The following INO80D variants were observed in gnomAD, a reference collection of about 807,000 sequenced individuals.
The protein encoded by INO80D is INO80 complex subunit D.
In INO80D, 21 loss-of-function variants were observed where a neutral mutation model predicts 87.6. That is an observed-to-expected ratio of 0.24 (90% confidence interval 0.17 to 0.35). The LOEUF (loss-of-function observed/expected upper bound fraction) is 0.35. Ranked by LOEUF, INO80D falls within the 10% of genes least tolerant of loss-of-function variation. INO80D has a pLI of 1.00. For missense variants in INO80D, 982 were observed against 1,280.7 expected, an observed-to-expected ratio of 0.77 and a Z score of 3.56; for synonymous variants, 440 against 491.0, an observed-to-expected ratio of 0.90 and a Z score of 1.37.
chr2:206,015,622 C>G lies in INO80D; in HGVS notation c.1542+2058G>C, dbSNP rs111678951. Among the ~76,000 whole-genome samples the G allele has an allele frequency of 7.9e-3, 1,206 of 152,264 alleles. 13 individuals carry two copies. Among genetic ancestry groups the G allele is most frequent in the African/African-American group, 0.027 (1,125 of 41,560 alleles). ...CAGTCTGTCTGGGCATGGTGGCTCACGCCTGTAATCTCAGCACTATGGGAG... is the reference window on the plus strand; with the variant it reads ...CAGTCTGTCTGGGCATGGTGGCTCAGGCCTGTAATCTCAGCACTATGGGAG... On this transcript the variant is annotated intron_variant, in intron 8 of 10. Transcript: ENST00000403263.
At chr2:206,010,583 T>C (rs551727831) in intron 8 of INO80D, among the ~76,000 whole-genome samples, 1 of 152,340 alleles carries the variant, frequency 6.6e-6, no homozygotes, top group Admixed American at 6.5e-5. Flanking sequence ...CTAATAACTC[T>C]TGTAGCTAAA....
At chr2:206,075,686 C>T (rs2105906826) in intron 1 of INO80D, among the ~76,000 whole-genome samples, 1 of 151,786 alleles carries the variant, frequency 6.6e-6, no homozygotes, top group South Asian at 2.1e-4. Flanking sequence ...GATCCGCCCA[C>T]CTCGGCCTCC....
rs538822504 is a variant in INO80D, at chr2:206,004,389, A to C, written c.3063T>G (p.Ser1021=). 6.3e-7 allele frequency: 1 copy of C among 1,597,122 alleles called. No homozygotes were observed. Among genetic ancestry groups the C allele is most frequent in the Admixed American group, 1.8e-5 (1 of 57,050 alleles). The change falls in exon 11 of 11, where the codon TCT becomes TCG. Residue 1021 remains serine, a synonymous_variant. Coordinates refer to ENST00000403263, the MANE Select transcript of INO80D (RefSeq NM_017759.5). The surrounding 1 kb of genome is among the most constrained non-coding windows in gnomAD (Gnocchi z 4.9). The stretch of plus-strand genomic sequence containing the variant: ...ACCCTCAGTTAGGGGAGGGAAAGGG[A>C]GAAGATGCATTATTGGTACTTGTAG... ...ATATSTNNAS[S]PFPSPN
rs546649690 is a variant in INO80D at position 206,004,367 on chromosome 2, C to T, written c.*1G>A. On this transcript the variant is annotated 3_prime_UTR_variant, in exon 11 of 11. Coordinates refer to ENST00000403263, the MANE Select transcript of INO80D (RefSeq NM_017759.5). This position sits in a 1 kb window ranked among gnomAD's most constrained non-coding sequence, Gnocchi z 4.9. ...ACCTGCCTGCAAACACACAGACACC[C>T]TCAGTTAGGGGAGGGAAAGGGAGAA... 6.3e-7 allele frequency: 1 copy of T among 1,585,210 alleles called. No homozygotes were observed. The highest frequency in any genetic ancestry group is 1.8e-5 in the Admixed American group (1 of 55,044).
chr2:205,995,757 A>G lies in INO80D; in HGVS notation c.*8611T>C, dbSNP rs941160412. 2.0e-5 allele frequency: 3 copies of G among 152,138 alleles called. No homozygotes were observed. Among genetic ancestry groups the G allele is most frequent in the African/African-American group, 7.2e-5 (3 of 41,450 alleles). The allele number at this position is 152,138 out of a possible 1,614,324, so 9.4% of individuals were successfully genotyped here. On this transcript the variant is annotated 3_prime_UTR_variant, in exon 11 of 11. Transcript: ENST00000403263. The stretch of plus-strand genomic sequence containing the variant: ...ATATAGGGATGCAAGTTTTCTAGAG[A>G]GCTGCAGCAAAGTTAATACAGAATG...
chr2:206,040,994 T>A, intron 5 of INO80D: 1 of 153,750 alleles, frequency 6.5e-6, no homozygotes, highest in East Asian at 1.9e-4. Flanking sequence ...GACACTGTTA[T>A]ACGTTCTTAT....
chr2:206,076,286 T>C (rs1267862311), intron 1 of INO80D, among the ~76,000 whole-genome samples: 1 of 152,258 alleles, frequency 6.6e-6, no homozygotes, highest in Non-Finnish European at 1.5e-5. Flanking sequence ...GAATATTTAC[T>C]TATCCCAGAA....
At chr2:206,028,707 A>G (rs1438125151) in intron 5 of INO80D, among the ~76,000 whole-genome samples, 1 of 152,172 alleles carries the variant, frequency 6.6e-6, no homozygotes, top group African/African-American at 2.4e-5. Context: ...GAGGAAACAC[A>G]TAGCATAATT....
At chr2:206,029,809 C>G (rs1688712659) in intron 5 of INO80D, among the ~76,000 whole-genome samples, 1 of 152,110 alleles carries the variant, frequency 6.6e-6, no homozygotes, top group African/African-American at 2.4e-5. Flanking sequence ...AAAGAGTTTG[C>G]AATGCAATTT....
intron 1 of INO80D, among the ~76,000 whole-genome samples, chr2:206,065,930 C>T (rs892467366): frequency 3.3e-5 from 5 of 152,234 alleles, no homozygotes; most frequent in East Asian, 1.9e-4. Flanking sequence ...AACTCTTGTA[C>T]GCTGTTTGGG....
intron 1 of INO80D, among the ~76,000 whole-genome samples, chr2:206,071,466 A>G (rs1355880270): frequency 2.1e-5 from 3 of 140,738 alleles, no homozygotes; most frequent in African/African-American, 8.0e-5. Flanking sequence ...ATGTATTGAC[A>G]TTTCTTTCTG....
chr2:206,056,171 T>C (rs1446988008), intron 4 of INO80D, 27 bp downstream of exon 4: 2 of 1,542,498 alleles, frequency 1.3e-6, no homozygotes, highest in East Asian at 2.3e-5. Context: ...ATTATGTGTC[T>C]ATGATACGAT....
chr2:206,069,716 T>C (rs558718661), intron 1 of INO80D, among the ~76,000 whole-genome samples: 2 of 152,346 alleles, frequency 1.3e-5, no homozygotes, highest in South Asian at 4.1e-4. Flanking sequence ...AGTATACTTA[T>C]CAGCATTATT....
intron 5 of INO80D, among the ~76,000 whole-genome samples, chr2:206,045,844 A>G (rs1689179109): frequency 6.6e-6 from 1 of 152,230 alleles, no homozygotes; most frequent in South Asian, 2.1e-4. Context: ...ACAGAGAGGC[A>G]AGATAGTGGG....
chr2:206,055,947 T>A (rs879363701), intron 4 of INO80D, among the ~76,000 whole-genome samples: 1 of 152,250 alleles, frequency 6.6e-6, no homozygotes, highest in Non-Finnish European at 1.5e-5. Context: ...CTGTTTTATA[T>A]CAGGATCTTG....
At position 206,086,159 on chromosome 2, in the gene INO80D, G is replaced by C. The variant is rs1690465432; in HGVS notation, c.-382C>G. On this transcript the variant is annotated 5_prime_UTR_variant, in exon 1 of 11. Coordinates refer to ENST00000403263, the MANE Select transcript of INO80D (RefSeq NM_017759.5). ...TATACTCTCCAGCCAAGAAGGCAGG[G>C]CTGCCGGGGCTGTACAAGAAGAGGC... 6.6e-6 allele frequency: 1 copy of C among 152,216 alleles called. No individual in the cohort carries two copies. Among genetic ancestry groups the C allele is most frequent in the Admixed American group, 6.5e-5 (1 of 15,274 alleles). The allele number at this position is 152,216 out of a possible 1,614,324, so 9.4% of individuals were successfully genotyped here.
chr2:206,019,913 A>G (rs1169084646), intron 6 of INO80D, 68 bp from the exon 7 acceptor site: 1 of 1,118,642 alleles, frequency 8.9e-7, no homozygotes, highest in Non-Finnish European at 1.3e-6. Flanking sequence ...ATTTTTCAAC[A>G]TGATGTCACA....
intron 1 of INO80D, among the ~76,000 whole-genome samples, chr2:206,076,192 C>T (rs1332641066): frequency 6.6e-6 from 1 of 151,644 alleles, no homozygotes; most frequent in Non-Finnish European, 1.5e-5. Flanking sequence ...AAACCCTCGA[C>T]AAAAAATAAA....
rs1323749153 is a variant in INO80D at position 205,994,473 on chromosome 2, A to T, written c.*9895T>A. On this transcript the variant is annotated 3_prime_UTR_variant, in exon 11 of 11. Transcript: ENST00000403263. ...TAAGCTACCTCACCTTTGATTTCCC[A>T]CTGCAACTTGGTTTCAACTTACACT... 6.6e-6 allele frequency: 1 copy of T among 152,152 alleles called. No individual in the cohort carries two copies. The highest frequency in any genetic ancestry group is 1.5e-5 in the Non-Finnish European group (1 of 68,032). The allele number at this position is 152,152 out of a possible 1,614,324, so 9.4% of individuals were successfully genotyped here.
Sources: allele counts gnomAD v4.1 joint callset (sites outside exome capture counted in the v4.1 genomes callset), GRCh38; gene constraint gnomAD v4.1.1; non-coding constraint Gnocchi (gnomAD v3.1); transcripts MANE v1.5; gene names NCBI Gene and HGNC (gene_info 2026-07-23, HGNC 2026-07-21).